ARHGEF10L: variants seen among roughly 807,000 people sequenced by gnomAD.
The protein encoded by ARHGEF10L is Rho guanine nucleotide exchange factor 10 like, also known as rho guanine nucleotide exchange factor 10-like protein.
A neutral mutation model predicts 141.2 loss-of-function variants in ARHGEF10L; 69 were observed. That is an observed-to-expected ratio of 0.49 (90% CI 0.40 to 0.60). The LOEUF (loss-of-function observed/expected upper bound fraction) is 0.60, where lower values mean the gene tolerates loss of function less well. Ranked by LOEUF, ARHGEF10L falls within the 20% of genes least tolerant of loss-of-function variation. The pLI is 0.00. For missense variants in ARHGEF10L, 1,482 were observed against 1,734.3 expected, an observed-to-expected ratio of 0.85 and a Z score of 2.58; for synonymous variants, 711 against 718.5, an observed-to-expected ratio of 0.99 and a Z score of 0.17.
intron 1 of ARHGEF10L, among the ~76,000 whole-genome samples, chr1:17,579,246 C>A (rs1053515453): frequency 6.6e-6 from 1 of 151,972 alleles, no homozygotes. Flanking sequence ...GTCTCGAACT[C>A]CTGACCTGAA....
intron 27 of ARHGEF10L, among the ~76,000 whole-genome samples, chr1:17,693,334 C>T (rs186927753): frequency 1.5e-3 from 225 of 152,302 alleles, no homozygotes; most frequent in Non-Finnish European, 2.3e-3. Context: ...CAGCTGTGCC[C>T]CCAGCACCTA....
intron 25 of ARHGEF10L, among the ~76,000 whole-genome samples, chr1:17,662,089 G>A (rs555841321): frequency 5.3e-4 from 81 of 152,292 alleles, no homozygotes; most frequent in Non-Finnish European, 9.0e-4. Context: ...GCATCAAACA[G>A]TAAGAGCCAC....
intron 26 of ARHGEF10L, among the ~76,000 whole-genome samples, chr1:17,684,680 C>T (rs1387340881): frequency 5.3e-5 from 8 of 152,152 alleles, no homozygotes; most frequent in East Asian, 1.9e-4. Flanking sequence ...ATGGAGACAC[C>T]GCACCCCTGC....
At chr1:17,560,114 T>G (rs1206551786) in intron 1 of ARHGEF10L, among the ~76,000 whole-genome samples, 2 of 152,084 alleles carry the variant, frequency 1.3e-5, no homozygotes, top group Non-Finnish European at 2.9e-5. Flanking sequence ...ATGGCCAAGG[T>G]AAGCAGGTGC....
intron 21 of ARHGEF10L, among the ~76,000 whole-genome samples, chr1:17,643,670 C>T (rs2101872969): frequency 6.6e-6 from 1 of 152,260 alleles, no homozygotes; most frequent in Middle Eastern, 3.4e-3. Flanking sequence ...CTTGGATTTT[C>T]CACCAGAAAA....
At position 17,615,784 on chromosome 1, in the gene ARHGEF10L, T is replaced by G. The variant is rs61647060; in HGVS notation, c.727-310T>G. ...TTGGCGGGTGGCCCAGGGCTCCAGG[T>G]CTCCAGCACCCCTCGGCCCCCTCCT... On this transcript the variant is annotated intron_variant, in intron 8 of 28. Transcript: ENST00000361221. This position sits in a 1 kb window ranked among gnomAD's most constrained non-coding sequence, Gnocchi z 4.7. 0.026 allele frequency: 6,297 copies of G among 241,768 alleles called. 412 individuals carry two copies. Among genetic ancestry groups the G allele is most frequent in the African/African-American group, 0.13 (5,892 of 44,846 alleles). 15.0% of individuals were successfully genotyped at this position (241,768 alleles called of 1,614,324 possible). A position where few individuals can be genotyped will look rare whatever the true frequency, so the allele number is the denominator to read the frequency against.
In ARHGEF10L at chr1:17,673,094, A is replaced by G. The variant is rs1355985488; in HGVS notation, c.3009+8499A>G. Among the ~76,000 whole-genome samples, 1 of 152,166 alleles carries G rather than the reference A, an allele frequency of 6.6e-6. No individual in the cohort carries two copies. The highest frequency in any genetic ancestry group is 1.5e-5 in the Non-Finnish European group (1 of 68,028). Reference sequence around the variant, plus strand: ...ATGGCTCAGGGAACAGGCTTGGTGAAGCCTGACCTGGAGCAGGAGGGAACC... The same window carrying G: ...ATGGCTCAGGGAACAGGCTTGGTGAGGCCTGACCTGGAGCAGGAGGGAACC... On this transcript the variant is annotated intron_variant, in intron 26 of 28. Coordinates refer to ENST00000361221, the MANE Select transcript of ARHGEF10L (RefSeq NM_018125.4). The surrounding 1 kb of genome is among the most constrained non-coding windows in gnomAD (Gnocchi z 4.1).
At chr1:17,557,925 A>G (rs1172448530) in intron 1 of ARHGEF10L, among the ~76,000 whole-genome samples, 1 of 152,162 alleles carries the variant, frequency 6.6e-6, no homozygotes, top group Non-Finnish European at 1.5e-5. Flanking sequence ...GCTCCAGTAA[A>G]TTCCACACTG....
At chr1:17,592,578 C>T (rs564044393) in intron 4 of ARHGEF10L, among the ~76,000 whole-genome samples, 8 of 152,248 alleles carry the variant, frequency 5.3e-5, no homozygotes, top group African/African-American at 1.4e-4. Flanking sequence ...AGTATTGGCA[C>T]AGGATGGAAA....
rs779690887 is a variant in ARHGEF10L, at chr1:17,632,829, C to T, written c.1730+363C>T. On this transcript the variant is annotated intron_variant, in intron 16 of 28. Coordinates refer to ENST00000361221, the MANE Select transcript of ARHGEF10L (RefSeq NM_018125.4). ...GCGGCTTTAACTCAAATCTGTTTTGCTCTGGCCAGATTGCAGAATTTCTCA... is the reference window on the plus strand; with the variant it reads ...GCGGCTTTAACTCAAATCTGTTTTGTTCTGGCCAGATTGCAGAATTTCTCA... Among the ~76,000 whole-genome samples, 96 of 152,226 alleles carry T rather than the reference C, an allele frequency of 6.3e-4. 1 individual carries two copies. The highest frequency in any genetic ancestry group is 5.2e-4 in the Admixed American group (8 of 15,284).
chr1:17,596,705 G>A (rs1436470441), intron 4 of ARHGEF10L, among the ~76,000 whole-genome samples: 1 of 152,174 alleles, frequency 6.6e-6, no homozygotes, highest in African/African-American at 2.4e-5. Flanking sequence ...CCCCTGCAGG[G>A]GTGGCGGGTG....
chr1:17,580,469 A>G, intron 1 of ARHGEF10L, 84 bp from the exon 2 acceptor site: 4 of 1,225,168 alleles, frequency 3.3e-6, no homozygotes, highest in Non-Finnish European at 4.7e-6. Context: ...GCTGAAGCAC[A>G]GGTTGTGAGC....
chr1:17,583,059 G>GAAA (rs34079639), intron 2 of ARHGEF10L, among the ~76,000 whole-genome samples: 9 of 139,824 alleles, frequency 6.4e-5, no homozygotes, highest in African/African-American at 1.1e-4. Context: ...TACAAAAAAT[G>GAAA]AAAAAAAAAA....
chr1:17,610,497 C>T (rs754915851), intron 7 of ARHGEF10L, among the ~76,000 whole-genome samples: 1 of 152,228 alleles, frequency 6.6e-6, no homozygotes, highest in African/African-American at 2.4e-5. Context: ...CGCTGATCAG[C>T]AGGCTCCTAG....
At chr1:17,652,176 G>C (rs532470411) in intron 22 of ARHGEF10L, among the ~76,000 whole-genome samples, 1 of 152,296 alleles carries the variant, frequency 6.6e-6, no homozygotes, top group East Asian at 1.9e-4. Flanking sequence ...AGACAGGGTC[G>C]GCACTCTGTA....
upstream of ARHGEF10L, among the ~76,000 whole-genome samples, chr1:17,538,947 G>T (rs2076624298): frequency 6.6e-6 from 1 of 152,214 alleles, no homozygotes; most frequent in Non-Finnish European, 1.5e-5. Flanking sequence ...CATATCCAGA[G>T]GCCCTCTTTG....
chr1:17,587,967 A>C (rs948479857), intron 3 of ARHGEF10L, among the ~76,000 whole-genome samples: 5 of 152,244 alleles, frequency 3.3e-5, no homozygotes, highest in Non-Finnish European at 5.9e-5. Flanking sequence ...CACACCAGCC[A>C]GAAGAGCAGC....
At chr1:17,657,303 A>G (rs2062330192) in intron 25 of ARHGEF10L, among the ~76,000 whole-genome samples, 1 of 152,196 alleles carries the variant, frequency 6.6e-6, no homozygotes, top group East Asian at 1.9e-4. Flanking sequence ...CGTGTGTGTT[A>G]TCTTAATTCT....
rs548773687 is a variant in ARHGEF10L at position 17,621,206 on chromosome 1, C to T, written c.943-658C>T. 2.6e-5 allele frequency among the ~76,000 whole-genome samples: 4 copies of T among 152,222 alleles called. No individual in the cohort carries two copies. The highest frequency in any genetic ancestry group is 7.2e-5 in the African/African-American group (3 of 41,540). ...TTCGCAAGTGAAGGGAGCTGAGATT[C>T]GGTTCATGCTAATGCTAAGACAGAA... On this transcript the variant is annotated intron_variant, in intron 10 of 28. Transcript: ENST00000361221. This position sits in a 1 kb window ranked among gnomAD's most constrained non-coding sequence, Gnocchi z 4.1.
Sources: gnomAD v4.1 joint callset for allele counts (sites outside exome capture counted in the v4.1 genomes callset) on GRCh38, gnomAD v4.1.1 for gene constraint, Gnocchi (gnomAD v3.1) non-coding constraint, MANE v1.5 for transcripts, NCBI Gene and HGNC (gene_info 2026-07-23, HGNC 2026-07-21) for gene names.